Variants in ECM2 observed in about 807,000 individuals in gnomAD.
The protein encoded by ECM2 is extracellular matrix protein 2, also known as extracellular matrix protein 2, female organ and adipocyte specific.
In ECM2, 57 loss-of-function variants were observed where a neutral mutation model predicts 67.5. The ratio of observed to expected loss-of-function variants is 0.84; its 90% CI spans 0.68 to 1.05. The LOEUF (loss-of-function observed/expected upper bound fraction) is 1.05. Among genes scored for constraint, ECM2 ranks in the 50% least tolerant of loss-of-function variants. ECM2 has a pLI of 0.00. For synonymous variants in ECM2, 258 were observed against 294.5 expected, an observed-to-expected ratio of 0.88 and a Z score of 1.27; for missense variants, 741 against 822.8, an observed-to-expected ratio of 0.90 and a Z score of 1.22.
In ECM2 at chr9:92,514,866, C is replaced by T. The variant is rs1360211047; in HGVS notation, c.819G>A (p.Glu273=). The change falls in exon 4 of 10, where the codon GAG becomes GAA. Residue 273 remains glutamate, a synonymous_variant. Transcript: ENST00000344604. ...QQQRQGREEE[E]DEEEEGEEGE... ...CCTCCTCACCCTCCTCCTCCTCATC[C>T]TCCTCCTCCTCCCTTCCTTGGCGTT... 8.8e-6 allele frequency: 14 copies of T among 1,599,872 alleles called. No individual in the cohort carries two copies. Among genetic ancestry groups the T allele is most frequent in the African/African-American group, 1.3e-5 (1 of 74,614 alleles).
chr9:92,556,841 T>A, the ECM2 span, among the ~76,000 whole-genome samples: 1 of 152,198 alleles, frequency 6.6e-6, no homozygotes, highest in Non-Finnish European at 1.5e-5. Context: ...GTTGCATCCA[T>A]CCTGCTCTTT....
chr9:92,497,360 C>T (rs1041689615), intron 9 of ECM2, among the ~76,000 whole-genome samples: 2 of 152,074 alleles, frequency 1.3e-5, no homozygotes, highest in African/African-American at 4.8e-5. Context: ...CGTGGTGGCT[C>T]ACACCTGTCA....
chr9:92,510,136 C>T (rs1326561408), intron 5 of ECM2, 102 bp from the exon 6 acceptor site: 2 of 1,351,354 alleles, frequency 1.5e-6, no homozygotes, highest in African/African-American at 1.5e-5. Flanking sequence ...CCTATCCTTC[C>T]TTAGGCTTAG....
intron 4 of ECM2, 103 bp from the exon 5 acceptor site, chr9:92,512,229 G>C: frequency 3.1e-6 from 2 of 649,344 alleles, no homozygotes; most frequent in Non-Finnish European, 5.2e-6. Flanking sequence ...GCTTTGTCTG[G>C]AGGAGAAAGC....
At position 92,514,681 on chromosome 9, in the gene ECM2, G is replaced by C. The variant is rs774142752; in HGVS notation, c.1004C>G (p.Thr335Ser). 3 of 1,609,460 alleles carry C rather than the reference G, an allele frequency of 1.9e-6. No individual in the cohort carries two copies. In the South Asian group the frequency reaches 3.3e-5, roughly 18 times the overall value. Residue 335 changes from threonine (T) to serine (S), a missense_variant, in exon 4 of 10, where the codon ACC becomes AGC. Physicochemically the swap from Thr to Ser is moderately conservative, Grantham distance 58. Transcript: ENST00000344604. ...RTISCINAML[T>S]QIPPLTAPQI... ...TGGTGCTGTCAGCGGTGGTATCTGGGTAAGCATGGCGTTGATGCAGCTGAT... is the reference window on the plus strand; with the variant it reads ...TGGTGCTGTCAGCGGTGGTATCTGGCTAAGCATGGCGTTGATGCAGCTGAT...
At chr9:92,524,123 A>T (rs1268968045) in intron 1 of ECM2, among the ~76,000 whole-genome samples, 2 of 152,114 alleles carry the variant, frequency 1.3e-5, no homozygotes, top group Non-Finnish European at 2.9e-5. Context: ...TCTGTGACTG[A>T]TGTAATCCAC....
chr9:92,505,985 G>A (rs775402237), intron 6 of ECM2, among the ~76,000 whole-genome samples: 3 of 152,146 alleles, frequency 2.0e-5, no homozygotes, highest in African/African-American at 7.2e-5. Context: ...AAGAGAGGGA[G>A]GGAGATAGGA....
At chr9:92,509,828 A>G in intron 6 of ECM2, 71 bp downstream of exon 6, 1 of 1,455,266 alleles carries the variant, frequency 6.9e-7, no homozygotes, top group African/African-American at 1.5e-5. Context: ...AATACAGTAA[A>G]TAAAATTTCT....
intron 4 of ECM2, among the ~76,000 whole-genome samples, chr9:92,513,054 G>A (rs946119790): frequency 2.6e-5 from 4 of 152,188 alleles, no homozygotes; most frequent in African/African-American, 7.2e-5. Flanking sequence ...CTGCACAAAT[G>A]TGTTGACCTT....
chr9:92,517,412 C>T (rs908362954), intron 3 of ECM2: 4 of 576,014 alleles, frequency 6.9e-6, no homozygotes, highest in Admixed American at 3.2e-5. Context: ...AATTCTGTTA[C>T]CATATCTCTA....
At chr9:92,538,812 T>A (rs985855439), upstream of ECM2, among the ~76,000 whole-genome samples, 3 of 152,140 alleles carry the variant, frequency 2.0e-5, no homozygotes, top group Non-Finnish European at 2.9e-5. Context: ...ATGAGCAGAG[T>A]GAGCATTACC....
upstream of ECM2, among the ~76,000 whole-genome samples, chr9:92,539,892 T>C (rs915061953): frequency 6.6e-6 from 1 of 152,178 alleles, no homozygotes; most frequent in African/African-American, 2.4e-5. Context: ...CCCCCTCAAA[T>C]AGAATGGGCT....
In ECM2 at chr9:92,496,364, C is replaced by T. The variant is rs764124245; in HGVS notation, c.2051G>A (p.Cys684Tyr). 36 of 1,605,094 alleles carry T rather than the reference C, an allele frequency of 2.2e-5. No homozygotes were observed. Among genetic ancestry groups the T allele is most frequent in the African/African-American group, 2.7e-5 (2 of 74,350 alleles). ...IREIPSYTFS[C>Y]IRSYSSIVLK... ...AACGATACTTGAGTATGATCTTATG[C>T]ATGAAAATGTGTAAGATGGTATTTC... The change falls in exon 10 of 10, where the codon TGC becomes TAC. Residue 684 changes from cysteine (C) to tyrosine (Y), a missense_variant. Coordinates refer to ENST00000344604, the MANE Select transcript of ECM2 (RefSeq NM_001393.4).
intron 7 of ECM2, among the ~76,000 whole-genome samples, chr9:92,504,663 C>A (rs1262952526): frequency 6.6e-6 from 1 of 152,068 alleles, no homozygotes; most frequent in Admixed American, 6.6e-5. Context: ...GCCTCCTGAG[C>A]AGCTACGACT....
chr9:92,532,311 G>A (rs1369496048), intron 1 of ECM2, among the ~76,000 whole-genome samples: 2 of 151,560 alleles, frequency 1.3e-5, no homozygotes, highest in Non-Finnish European at 2.9e-5. Context: ...GTTTCACTCT[G>A]TATACAAAGA....
intron 1 of ECM2, among the ~76,000 whole-genome samples, chr9:92,531,617 G>A (rs928185928): frequency 1.3e-5 from 2 of 151,998 alleles, no homozygotes; most frequent in African/African-American, 4.8e-5. Context: ...GATGCCATTA[G>A]TACCTTCCTC....
At chr9:92,533,299 C>CAAA (rs1848922660) in intron 1 of ECM2, among the ~76,000 whole-genome samples, 1 of 11,290 alleles carries the variant, frequency 8.9e-5, no homozygotes, top group East Asian at 5.7e-3. Context: ...GACTCGGTCT[C>CAAA]AAACAAAAAA....
chr9:92,511,664 G>A (rs1348590862), intron 5 of ECM2, among the ~76,000 whole-genome samples: 2 of 152,080 alleles, frequency 1.3e-5, no homozygotes, highest in East Asian at 3.9e-4. Context: ...GTTAACAGAG[G>A]TTCCAGATAG....
intron 2 of ECM2, among the ~76,000 whole-genome samples, chr9:92,521,241 T>A (rs1056923264): frequency 6.6e-6 from 1 of 152,252 alleles, no homozygotes; most frequent in South Asian, 2.1e-4. Flanking sequence ...AACTTTTTTT[T>A]AAACAAGTTT....
Sources: allele counts gnomAD v4.1 joint callset (sites outside exome capture counted in the v4.1 genomes callset), GRCh38; gene constraint gnomAD v4.1.1; transcripts MANE v1.5; gene names NCBI Gene and HGNC (gene_info 2026-07-23, HGNC 2026-07-21).